Variants in SSBP3 observed in about 807,000 individuals in gnomAD.
The protein encoded by SSBP3 is single-stranded DNA-binding protein 3.
SSBP3 carries 5 observed loss-of-function variants against 69.6 expected under a neutral mutation model. The ratio of observed to expected loss-of-function variants is 0.07; its 90% confidence interval spans 0.04 to 0.15. The LOEUF (loss-of-function observed/expected upper bound fraction) is 0.15. Ranked by LOEUF, SSBP3 falls within the 10% of genes least tolerant of loss-of-function variation. SSBP3 has a pLI of 1.00. For synonymous variants in SSBP3, 196 were observed against 193.4 expected (o/e 1.01, Z -0.11); for missense variants, 312 against 534.0 (o/e 0.58, Z 4.10).
chr1:54,302,851 C>T lies in SSBP3; in HGVS notation c.277-21324G>A, dbSNP rs12060648. Among the ~76,000 whole-genome samples the T allele has an allele frequency of 5.9e-3, 894 of 152,238 alleles. 10 individuals carry two copies. The highest frequency in any genetic ancestry group is 0.02 in the African/African-American group (832 of 41,532). On this transcript the variant is annotated intron_variant, in intron 4 of 17. Transcript: ENST00000610401. ...TTTGCAGCTGCAGACCAAGTCAGTGCGGTCAATGCAGGACTCGAACCCAGG... is the reference window on the plus strand; with the variant it reads ...TTTGCAGCTGCAGACCAAGTCAGTGTGGTCAATGCAGGACTCGAACCCAGG...
At chr1:54,315,228 C>T (rs1254962784) in intron 4 of SSBP3, among the ~76,000 whole-genome samples, 2 of 152,164 alleles carry the variant, frequency 1.3e-5, no homozygotes, top group Non-Finnish European at 1.5e-5. Flanking sequence ...GGCCACATAA[C>T]TCTCTCTCCT....
intron 13 of SSBP3, among the ~76,000 whole-genome samples, chr1:54,240,377 G>A (rs536084357): frequency 1.7e-4 from 25 of 150,754 alleles, no homozygotes; most frequent in Non-Finnish European, 3.0e-4. Context: ...AGAATCGCTT[G>A]AGCCTGGGAG....
At position 54,401,012 on chromosome 1, in the gene SSBP3, G is replaced by A. The variant is rs542469990; in HGVS notation, c.276+849C>T. The stretch of plus-strand genomic sequence containing the variant: ...ACATGCTTAACTGTCTACAGGGCTA[G>A]CAAGAAGAACTGAACAGAGGCTATG... On this transcript the variant is annotated intron_variant, in intron 4 of 17. Transcript: ENST00000610401. Among the ~76,000 whole-genome samples the A allele has an allele frequency of 2.0e-5, 3 of 152,312 alleles. No individual in the cohort carries two copies. In the South Asian group the frequency reaches 6.2e-4, roughly 32 times the overall value.
At chr1:54,268,465 G>C (rs1333016222) in intron 5 of SSBP3, among the ~76,000 whole-genome samples, 5 of 152,118 alleles carry the variant, frequency 3.3e-5, no homozygotes, top group Non-Finnish European at 7.3e-5. Context: ...TTCCTGCCCT[G>C]CCCCTTCACC....
At chr1:54,252,072 G>A (rs1236887983) in intron 7 of SSBP3, among the ~76,000 whole-genome samples, 2 of 152,140 alleles carry the variant, frequency 1.3e-5, no homozygotes, top group Non-Finnish European at 2.9e-5. Flanking sequence ...GCGTTGTTTT[G>A]GGGGCTCTGT....
intron 4 of SSBP3, among the ~76,000 whole-genome samples, chr1:54,303,150 C>T (rs758202428): frequency 1.3e-5 from 2 of 152,186 alleles, no homozygotes; most frequent in African/African-American, 4.8e-5. Flanking sequence ...GGTGAGCTCA[C>T]GGGAGCCATG....
chr1:54,258,274 T>A lies in SSBP3; in HGVS notation c.367-125A>T. 6 of 593,212 alleles carry A rather than the reference T, an allele frequency of 1.0e-5. No individual in the cohort carries two copies. Among genetic ancestry groups the A allele is most frequent in the Non-Finnish European group, 1.6e-5 (6 of 384,716 alleles). 36.7% of individuals were successfully genotyped at this position (593,212 alleles called of 1,614,324 possible). On this transcript the variant is annotated intron_variant, in intron 5 of 17. Coordinates refer to ENST00000610401, the Ensembl canonical transcript of SSBP3. This position sits in a 1 kb window ranked among gnomAD's most constrained non-coding sequence, Gnocchi z 4.5. ...GCGGCGGGCGTGCGGGGGGGTGGGCTCTGGTTGGTGGGAGGTGGTGGAGCT... is the reference window on the plus strand; with the variant it reads ...GCGGCGGGCGTGCGGGGGGGTGGGCACTGGTTGGTGGGAGGTGGTGGAGCT...
intron 4 of SSBP3, among the ~76,000 whole-genome samples, chr1:54,392,034 G>A (rs747216506): frequency 6.6e-6 from 1 of 152,006 alleles, no homozygotes; most frequent in South Asian, 2.1e-4. Context: ...CTCCTCCCGC[G>A]CCCACTCCAG....
Position 54,281,545 on chromosome 1 carries a change from CAG to C in SSBP3, c.277-20_277-19del, listed in dbSNP as rs1226633235. On this transcript the variant is annotated intron_variant, in intron 4 of 17. Coordinates refer to ENST00000610401, the Ensembl canonical transcript of SSBP3. ...GCTGCACTCTGTGGAGACAACAAGG[CAG>C]AGAGTTAGTGGCCAAACCCACAACC... is the stretch of plus-strand genomic sequence containing the variant. The C allele has an allele frequency of 3.2e-6, 5 of 1,554,474 alleles. No homozygotes were observed. Among genetic ancestry groups the C allele is most frequent in the African/African-American group, 2.7e-5 (2 of 73,166 alleles).
Position 54,232,922 on chromosome 1 carries a change from G to A in SSBP3, c.928-4096C>T, listed in dbSNP as rs531945498. On this transcript the variant is annotated intron_variant, in intron 14 of 17. Transcript: ENST00000610401. ...GGCTGGAGTGCAGTGGCGTGATCTC[G>A]GCTCGCTACAACCTCCACCTCCCAG... Among the ~76,000 whole-genome samples the A allele has an allele frequency of 4.8e-3, 735 of 152,222 alleles. 5 individuals are homozygous for A. Among genetic ancestry groups the A allele is most frequent in the African/African-American group, 0.017 (689 of 41,520 alleles).
chr1:54,370,824 T>A (rs1031017159), intron 4 of SSBP3, among the ~76,000 whole-genome samples: 2 of 152,030 alleles, frequency 1.3e-5, no homozygotes, highest in Admixed American at 6.6e-5. Flanking sequence ...GTGGTGGCTG[T>A]GAGTGGTGGC....
At chr1:54,378,059 G>A (rs973150723) in intron 4 of SSBP3, among the ~76,000 whole-genome samples, 14 of 152,072 alleles carry the variant, frequency 9.2e-5, no homozygotes, top group African/African-American at 2.9e-4. Context: ...TACAGGCCCC[G>A]GTCCCCTGCA....
intron 4 of SSBP3, among the ~76,000 whole-genome samples, chr1:54,362,247 G>A (rs756666540): frequency 2.6e-5 from 4 of 152,166 alleles, no homozygotes; most frequent in Non-Finnish European, 5.9e-5. Flanking sequence ...AGCGAGCTCA[G>A]TAACCCTGCC....
At chr1:54,253,182 T>TA (rs1644861349) in intron 7 of SSBP3, among the ~76,000 whole-genome samples, 3 of 144,488 alleles carry the variant, frequency 2.1e-5, no homozygotes, top group Admixed American at 2.1e-4. Context: ...TTGTTTTTTT[T>TA]TTAGTTTTTG....
chr1:54,341,847 A>G (rs897542865), intron 4 of SSBP3, among the ~76,000 whole-genome samples: 1 of 151,924 alleles, frequency 6.6e-6, no homozygotes, highest in Admixed American at 6.6e-5. Context: ...TAACCTGGAG[A>G]GCAGGGAGAG....
intron 4 of SSBP3, 24 bp downstream of exon 4, chr1:54,401,837 T>C: frequency 6.3e-7 from 1 of 1,597,576 alleles, no homozygotes. Flanking sequence ...TAATTATTGC[T>C]AGGATTAAAA....
chr1:54,383,302 C>T (rs1647821211), intron 4 of SSBP3, among the ~76,000 whole-genome samples: 1 of 151,852 alleles, frequency 6.6e-6, no homozygotes, highest in African/African-American at 2.4e-5. Context: ...TTCTTGAACC[C>T]GGCAGGCGGA....
chr1:54,260,213 AGAG>A (rs957210431), intron 5 of SSBP3, among the ~76,000 whole-genome samples: 3 of 152,250 alleles, frequency 2.0e-5, no homozygotes, highest in Non-Finnish European at 2.9e-5. Context: ...TGAAAAGAAC[AGAG>A]GAGGAAGGTT....
intron 5 of SSBP3, among the ~76,000 whole-genome samples, chr1:54,273,998 G>C (rs746940597): frequency 2.6e-5 from 4 of 152,184 alleles, no homozygotes; most frequent in African/African-American, 4.8e-5. Context: ...GTCTGGAGGC[G>C]GACAGCAGGG....
Sources: gnomAD v4.1 joint callset for allele counts (sites outside exome capture counted in the v4.1 genomes callset) on GRCh38, gnomAD v4.1.1 for gene constraint, Gnocchi (gnomAD v3.1) non-coding constraint, MANE v1.5 for transcripts, NCBI Gene and HGNC (gene_info 2026-07-23, HGNC 2026-07-21) for gene names.